RGMB: variants seen among roughly 807,000 people sequenced by gnomAD.
The protein encoded by RGMB is repulsive guidance molecule BMP co-receptor b.
Under a neutral mutation model 26.9 loss-of-function variants are expected in RGMB, and 16 were observed. The ratio of observed to expected loss-of-function variants is 0.60; its 90% CI spans 0.40 to 0.90. The LOEUF is 0.90. Ranked by LOEUF, RGMB falls within the 40% of genes least tolerant of loss-of-function variation. The pLI is 0.00. For synonymous variants in RGMB, 225 were observed against 229.3 expected, an observed-to-expected ratio of 0.98 and a Z score of 0.17; for missense variants, 512 against 573.3, an observed-to-expected ratio of 0.89 and a Z score of 1.09.
chr5:98,782,346 C>T (rs1291924482), intron 2 of RGMB, among the ~76,000 whole-genome samples: 2 of 152,150 alleles, frequency 1.3e-5, no homozygotes, highest in Non-Finnish European at 2.9e-5. Flanking sequence ...TAAAAACCTT[C>T]AGCACAAAAA....
In RGMB at chr5:98,794,949, G is replaced by C. The variant is rs1355604587; in HGVS notation, c.*1196G>C. ...CTCGGTGTGCGGCCACTTCGGCACT[G>C]CTTAATCCAGATATTCTTGTTAACT... On this transcript the variant is annotated 3_prime_UTR_variant, in exon 3 of 3. Coordinates refer to ENST00000513185, the MANE Select transcript of RGMB (RefSeq NM_001366508.1). The C allele has an allele frequency of 6.6e-6, 1 of 152,224 alleles. No homozygotes were observed. Among genetic ancestry groups the C allele is most frequent in the Non-Finnish European group, 1.5e-5 (1 of 68,054 alleles). The allele number at this position is 152,224 out of a possible 1,614,324, so 9.4% of individuals were successfully genotyped here.
upstream of RGMB, chr5:98,770,368 T>G (rs1165535830): frequency 1.2e-4 from 45 of 383,932 alleles, no homozygotes; most frequent in Non-Finnish European, 4.6e-6. Flanking sequence ...GCTGCACTGG[T>G]TTCCTGAGAT....
chr5:98,792,771 T>TAA (rs5869833), intron 2 of RGMB: 11,519 of 121,716 alleles, frequency 0.095, 697 homozygotes, highest in Middle Eastern at 0.18. Context: ...CCCTGTCACT[T>TAA]AAAAAAAAAA....
At chr5:98,770,672 A>T, upstream of RGMB, 1 of 1,461,630 alleles carries the variant, frequency 6.8e-7, no homozygotes, top group Non-Finnish European at 9.1e-7. Context: ...GTTAAGAATG[A>T]TGTAAGTACA....
chr5:98,792,275 T>C (rs1580296446), intron 2 of RGMB, among the ~76,000 whole-genome samples: 1 of 152,232 alleles, frequency 6.6e-6, no homozygotes, highest in East Asian at 1.9e-4. Context: ...TTTTTAATCC[T>C]ATGAAGAATC....
chr5:98,779,798 AG>A lies in RGMB; in HGVS notation c.357del (p.Asn120IlefsTer15). On this transcript the variant is annotated frameshift_variant, in exon 2 of 3. Coordinates refer to ENST00000513185, the MANE Select transcript of RGMB (RefSeq NM_001366508.1). LOFTEE classifies it high-confidence loss of function. ...GGGTATCAGTGACCTCATGAGCCAG[AG>A]GAATTGTTCCAAGGATGGACCCACA... is the stretch of plus-strand genomic sequence containing the variant. ...VLGISDLMSQ[R>X]NCSKDGPTSS... is the part of the protein sequence containing the mutation. The A allele has an allele frequency of 6.2e-7, 1 of 1,614,046 alleles. No individual in the cohort carries two copies. Among genetic ancestry groups the A allele is most frequent in the Non-Finnish European group, 8.5e-7 (1 of 1,179,894 alleles).
intron 2 of RGMB, among the ~76,000 whole-genome samples, chr5:98,790,646 C>A (rs1022748948): frequency 1.3e-5 from 2 of 152,140 alleles, no homozygotes; most frequent in African/African-American, 4.8e-5. Context: ...TGGACCCTTG[C>A]TTGCTTTTTG....
At chr5:98,782,042 A>G (rs1173938310) in intron 2 of RGMB, among the ~76,000 whole-genome samples, 1 of 152,262 alleles carries the variant, frequency 6.6e-6, no homozygotes, top group Admixed American at 6.5e-5. Flanking sequence ...CAAGTAGATG[A>G]TGAGAATGCT....
At chr5:98,779,467 G>T in intron 1 of RGMB, 113 bp from the exon 2 acceptor site, 1 of 1,036,404 alleles carries the variant, frequency 9.6e-7, no homozygotes, top group South Asian at 2.6e-5. Flanking sequence ...TAAAATAGGA[G>T]TACAGTGTAT....
upstream of RGMB, chr5:98,773,637 G>T (rs1036057592): frequency 3.2e-6 from 1 of 310,348 alleles, no homozygotes; most frequent in Non-Finnish European, 5.9e-6. Flanking sequence ...GCGGGACTGA[G>T]ATTGATCGAC....
intron 2 of RGMB, 91 bp downstream of exon 2, chr5:98,780,179 C>A: frequency 8.2e-7 from 1 of 1,225,690 alleles, no homozygotes. Flanking sequence ...TATAAAGGGC[C>A]TAGTTTAAAA....
chr5:98,774,827 G>A (rs2271218), intron 1 of RGMB, among the ~76,000 whole-genome samples: 11,143 of 152,238 alleles, frequency 0.073, 510 homozygotes, highest in South Asian at 0.22. Flanking sequence ...GACTAGCCGG[G>A]TGTCTTCGGG....
At chr5:98,774,307 G>T in intron 1 of RGMB, 101 bp downstream of exon 1, 1 of 1,206,466 alleles carries the variant, frequency 8.3e-7, no homozygotes, top group Non-Finnish European at 1.1e-6. Context: ...GAAGGGCGGC[G>T]TGGCGCAACG....
chr5:98,793,192 G>C lies in RGMB; in HGVS notation c.753G>C (p.Gly251=), dbSNP rs754801482. Residue 251 remains glycine, a synonymous_variant, in exon 3 of 3, where the codon GGG becomes GGC. Transcript: ENST00000513185. ...AAFVDGTTSG[G]DSDAKSLRIV... ...TTGTGGATGGCACCACCAGTGGTGGGGACAGCGATGCCAAGAGCCTGCGTA... is the reference window on the plus strand; with the variant it reads ...TTGTGGATGGCACCACCAGTGGTGGCGACAGCGATGCCAAGAGCCTGCGTA... 3 of 1,613,894 alleles carry C rather than the reference G, an allele frequency of 1.9e-6. No homozygotes were observed. The highest frequency in any genetic ancestry group is 2.2e-5 in the South Asian group (2 of 91,066).
At chr5:98,777,741 C>T (rs1010804584) in intron 1 of RGMB, among the ~76,000 whole-genome samples, 4 of 152,116 alleles carry the variant, frequency 2.6e-5, no homozygotes, top group African/African-American at 4.8e-5. Context: ...AAGAGAAATT[C>T]AGTAAATACT....
chr5:98,785,501 G>A (rs17166378), intron 2 of RGMB, among the ~76,000 whole-genome samples: 3,841 of 152,166 alleles, frequency 0.025, 146 homozygotes, highest in African/African-American at 0.088. Flanking sequence ...CTTTACTCCC[G>A]GGATTTGGCA....
chr5:98,792,561 C>A (rs920253587), intron 2 of RGMB, among the ~76,000 whole-genome samples: 3 of 149,716 alleles, frequency 2.0e-5, no homozygotes, highest in Admixed American at 6.7e-5. Context: ...TAGTGAGGAA[C>A]CCCCGACCTC....
intron 2 of RGMB, 88 bp downstream of exon 2, chr5:98,780,176 G>T: frequency 1.6e-6 from 2 of 1,243,490 alleles, no homozygotes; most frequent in South Asian, 1.6e-5. Flanking sequence ...TGCTATAAAG[G>T]GCCTAGTTTA....
At chr5:98,777,141 A>G (rs967183414) in intron 1 of RGMB, among the ~76,000 whole-genome samples, 12 of 152,152 alleles carry the variant, frequency 7.9e-5, no homozygotes, top group African/African-American at 2.9e-4. Context: ...AAGGTATGAA[A>G]AGGGAGCTGG....
Sources: allele counts gnomAD v4.1 joint callset (sites outside exome capture counted in the v4.1 genomes callset), GRCh38; gene constraint gnomAD v4.1.1; transcripts MANE v1.5; gene names NCBI Gene and HGNC (gene_info 2026-07-23, HGNC 2026-07-21).